Variants in STPG1 observed in about 807,000 individuals in gnomAD.
The protein encoded by STPG1 is O(6)-methylguanine-induced apoptosis 2.
In STPG1, 33 loss-of-function variants were observed where a neutral mutation model predicts 40.1. That is an observed-to-expected ratio of 0.82 (90% CI 0.62 to 1.10). The LOEUF is 1.10. STPG1 is among the 50% of genes least tolerant of loss of function. The probability of loss-of-function intolerance (pLI) is 0.00; values close to 1 mark genes in which losing one functional copy is unlikely to be tolerated. For synonymous variants in STPG1, 150 were observed against 155.0 expected (o/e 0.97, Z 0.24); for missense variants, 396 against 415.1 (o/e 0.95, Z 0.40).
At chr1:24,365,168 G>T (rs574747339) in intron 7 of STPG1, among the ~76,000 whole-genome samples, 20 of 152,206 alleles carry the variant, frequency 1.3e-4, no homozygotes, top group Non-Finnish European at 2.6e-4. Flanking sequence ...GGGGAAGTTA[G>T]GGTGGGTCCA....
At chr1:24,391,860 C>T (rs1642787263) in intron 2 of STPG1, 181 bp from the exon 3 acceptor site, 4 of 1,321,042 alleles carry the variant, frequency 3.0e-6, no homozygotes, top group Non-Finnish European at 2.9e-6. Context: ...CTTTCCCTCT[C>T]GGCAATTTAT....
intron 1 of STPG1, among the ~76,000 whole-genome samples, chr1:24,406,807 T>C (rs1453288379): frequency 1.3e-5 from 2 of 152,224 alleles, no homozygotes; most frequent in African/African-American, 2.4e-5. Flanking sequence ...TTTAAGCTTT[T>C]CTGTGTATCA....
At chr1:24,367,370 T>A (rs1365543546) in intron 7 of STPG1, among the ~76,000 whole-genome samples, 1 of 152,236 alleles carries the variant, frequency 6.6e-6, no homozygotes, top group African/African-American at 2.4e-5. Flanking sequence ...TCCTCCACTC[T>A]TATGTTATTT....
intron 2 of STPG1, among the ~76,000 whole-genome samples, chr1:24,394,236 C>T (rs1642900731): frequency 1.3e-5 from 2 of 152,166 alleles, no homozygotes; most frequent in Non-Finnish European, 2.9e-5. Flanking sequence ...ATAGAGTATG[C>T]AGGAGGGTTT....
Position 24,357,512 on chromosome 1 carries a change from T to C in STPG1, c.*1031A>G, listed in dbSNP as rs1640802647. 2 of 152,994 alleles carry C rather than the reference T, an allele frequency of 1.3e-5. No individual in the cohort carries two copies. The highest frequency in any genetic ancestry group is 1.3e-4 in the Admixed American group (2 of 15,326). The allele number at this position is 152,994 out of a possible 1,614,324, so 9.5% of individuals were successfully genotyped here. On this transcript the variant is annotated 3_prime_UTR_variant, in exon 9 of 9. Transcript: ENST00000337248. ...TTTGTGGGTGGGCCCCAGGCCTCAG[T>C]ACTTTTTAAAGTCCCCAGGTGATTA...
intron 7 of STPG1, among the ~76,000 whole-genome samples, chr1:24,361,595 TTCCAGAA>T: frequency 6.6e-6 from 1 of 152,186 alleles, no homozygotes; most frequent in South Asian, 2.1e-4. Flanking sequence ...AACATTGACA[TTCCAGAA>T]TCCTACTAAA....
intron 3 of STPG1, among the ~76,000 whole-genome samples, chr1:24,385,816 G>C (rs909852833): frequency 6.6e-6 from 1 of 152,242 alleles, no homozygotes; most frequent in Non-Finnish European, 1.5e-5. Flanking sequence ...GTGATCTTGA[G>C]CAAGTCACCT....
Position 24,391,628 on chromosome 1 carries a change from G to A in STPG1, c.122C>T (p.Ala41Val). Reference protein sequence around the residue: ...TQSSIPFKSQASVIPESEKKG... With the variant: ...TQSSIPFKSQVSVIPESEKKG... ...TTTTTCTGATTCTGGGATTACTGAAGCTTGAGATTTAAAAGGAATGGAGGA... is the reference window on the plus strand; with the variant it reads ...TTTTTCTGATTCTGGGATTACTGAAACTTGAGATTTAAAAGGAATGGAGGA... The change falls in exon 3 of 9, where the codon GCT becomes GTT. Residue 41 changes from alanine to valine, a missense_variant. By Grantham distance (64) the Ala-to-Val change is moderately conservative. Coordinates refer to ENST00000337248, the MANE Select transcript of STPG1 (RefSeq NM_001199013.2). 6.5e-7 allele frequency: 1 copy of A among 1,550,050 alleles called. No homozygotes were observed. The highest frequency in any genetic ancestry group is 8.7e-7 in the Non-Finnish European group (1 of 1,146,558).
intron 1 of STPG1, among the ~76,000 whole-genome samples, chr1:24,411,180 C>T (rs1182073562): frequency 6.6e-6 from 1 of 152,168 alleles, no homozygotes; most frequent in Non-Finnish European, 1.5e-5. Context: ...TAAATGCCTT[C>T]TATGGAATAC....
At chr1:24,398,812 C>T (rs1643106386) in intron 2 of STPG1, among the ~76,000 whole-genome samples, 1 of 151,972 alleles carries the variant, frequency 6.6e-6, no homozygotes, top group African/African-American at 2.4e-5. Flanking sequence ...ATAGAAAACT[C>T]CAAAACATTG....
chr1:24,379,751 A>G lies in STPG1; in HGVS notation c.364T>C (p.Ser122Pro). ...CACGAATTACTAAAGTCTCTCTTGG[A>G]AATAAAATCCGATGGGATAGTGTAT... ...NAYTIPSDFI[S>P]KRDFSNSCSS... Residue 122 changes from serine (S) to proline (P), a missense_variant, in exon 5 of 9, where the codon TCC becomes CCC. Ser to Pro is a moderately conservative substitution (Grantham distance 74). Coordinates refer to ENST00000337248, the MANE Select transcript of STPG1 (RefSeq NM_001199013.2). 6.2e-7 allele frequency: 1 copy of G among 1,614,190 alleles called. No homozygotes were observed. Among genetic ancestry groups the G allele is most frequent in the South Asian group, 1.1e-5 (1 of 91,088 alleles).
chr1:24,366,179 G>C (rs1320588259), intron 7 of STPG1, among the ~76,000 whole-genome samples: 1 of 152,192 alleles, frequency 6.6e-6, no homozygotes, highest in African/African-American at 2.4e-5. Context: ...GATGAGGGCA[G>C]GTCTCCCCCT....
upstream of STPG1, chr1:24,413,792 C>A (rs1051520596): frequency 6.6e-6 from 1 of 152,296 alleles, no homozygotes; most frequent in Non-Finnish European, 1.5e-5. Flanking sequence ...CAGCCAATGG[C>A]ATCCTCTGTT....
At chr1:24,384,638 C>G in intron 3 of STPG1, among the ~76,000 whole-genome samples, 1 of 152,154 alleles carries the variant, frequency 6.6e-6, no homozygotes, top group South Asian at 2.1e-4. Context: ...GGGAGCTCAT[C>G]GGGCTTTCAT....
rs1340220990 is a variant in STPG1 at position 24,369,821 on chromosome 1, T to C, written c.590A>G (p.Glu197Gly). 19 of 1,606,522 alleles carry C rather than the reference T, an allele frequency of 1.2e-5. No homozygotes were observed. In the Admixed American group the frequency reaches 2.4e-4, roughly 20 times the overall value. ...ATTTGGCGACTGCTTCACAAGGGAT[T>C]CGTTGATATCATAATGCCCTAAGGA... The part of the protein sequence containing the change: ...GPPPGHYDIN[E>G]SLVKQSPNTL... Residue 197 changes from glutamate to glycine, a missense_variant, in exon 7 of 9, where the codon GAA becomes GGA. Coordinates refer to ENST00000337248, the MANE Select transcript of STPG1 (RefSeq NM_001199013.2).
At chr1:24,394,550 A>G (rs2092343) in intron 2 of STPG1, among the ~76,000 whole-genome samples, 9,450 of 152,304 alleles carry the variant, frequency 0.062, 400 homozygotes, top group Middle Eastern at 0.099. Flanking sequence ...GTGGAGAAGA[A>G]CATTATAACT....
chr1:24,370,402 G>A (rs7551707), intron 6 of STPG1, among the ~76,000 whole-genome samples: 59,669 of 150,320 alleles, frequency 0.4, 11,960 homozygotes, highest in East Asian at 0.45. Flanking sequence ...GCTCACTGTA[G>A]CCTTGACCTG....
chr1:24,406,154 A>C (rs1356349430), intron 1 of STPG1, among the ~76,000 whole-genome samples: 1 of 151,938 alleles, frequency 6.6e-6, no homozygotes, highest in Non-Finnish European at 1.5e-5. Context: ...ATCTTTTGAG[A>C]GTAAGTGCAT....
At chr1:24,371,723 T>C (rs984121099) in intron 6 of STPG1, among the ~76,000 whole-genome samples, 1 of 152,192 alleles carries the variant, frequency 6.6e-6, no homozygotes, top group Non-Finnish European at 1.5e-5. Flanking sequence ...AAAAAGGTTA[T>C]AGCAACACTT....
Sources: gnomAD v4.1 joint callset for allele counts (sites outside exome capture counted in the v4.1 genomes callset) on GRCh38, gnomAD v4.1.1 for gene constraint, MANE v1.5 for transcripts, NCBI Gene and HGNC (gene_info 2026-07-23, HGNC 2026-07-21) for gene names.